The following NIPA1 variants were observed in gnomAD, a reference collection of about 807,000 sequenced individuals.
NIPA1 encodes magnesium transporter NIPA1.
Under a neutral mutation model 23.9 loss-of-function variants are expected in NIPA1, and 13 were observed. That is an observed-to-expected ratio of 0.54 (90% confidence interval 0.35 to 0.87). The LOEUF (loss-of-function observed/expected upper bound fraction) is 0.87, where lower values mean the gene tolerates loss of function less well. Ranked by LOEUF, NIPA1 falls within the 40% of genes least tolerant of loss-of-function variation. NIPA1 has a pLI of 0.01. For missense variants in NIPA1, 362 were observed against 429.7 expected (o/e 0.84, Z 1.39); for synonymous variants, 234 against 202.9 (o/e 1.15, Z -1.30).
At chr15:22,817,278 T>A (rs888272652) in intron 3 of NIPA1, among the ~76,000 whole-genome samples, 3 of 149,764 alleles carry the variant, frequency 2.0e-5, no homozygotes, top group African/African-American at 7.4e-5. Flanking sequence ...GGTGGGTGGA[T>A]CACCTGAGGT....
At chr15:22,787,260 G>A (rs1028186775) in intron 1 of NIPA1, among the ~76,000 whole-genome samples, 1 of 152,160 alleles carries the variant, frequency 6.6e-6, no homozygotes, top group Non-Finnish European at 1.5e-5. Flanking sequence ...CTCGAGCCCA[G>A]CGCCCGCCTG....
At chr15:22,817,487 G>A (rs1183686035) in intron 3 of NIPA1, among the ~76,000 whole-genome samples, 9 of 115,712 alleles carry the variant, frequency 7.8e-5, no homozygotes, top group Admixed American at 3.3e-4. Flanking sequence ...CAACAAAAGC[G>A]AAACTCCGTC....
chr15:22,816,552 T>A (rs1175089552), intron 3 of NIPA1, among the ~76,000 whole-genome samples: 2 of 127,722 alleles, frequency 1.6e-5, no homozygotes, highest in Non-Finnish European at 3.2e-5. Context: ...AGTGCAGTGG[T>A]GTGCTGTCGG....
chr15:22,821,199 T>C (rs1378802243), intron 4 of NIPA1, among the ~76,000 whole-genome samples: 5 of 151,904 alleles, frequency 3.3e-5, no homozygotes, highest in African/African-American at 1.2e-4. Flanking sequence ...TCTCCTGACC[T>C]CGTGATCCGC....
In NIPA1 at chr15:22,826,233, G is replaced by A. The variant is rs1895649642; in HGVS notation, c.*1994G>A. On this transcript the variant is annotated 3_prime_UTR_variant, in exon 5 of 5. Coordinates refer to ENST00000337435, the MANE Select transcript of NIPA1 (RefSeq NM_144599.5). The stretch of plus-strand genomic sequence containing the variant: ...GTAAACGTGTACATGATGATCATGG[G>A]TTGTCAGTGATTTGTGAACTGAGAG... The A allele has an allele frequency of 6.6e-6, 1 of 152,116 alleles. No individual in the cohort carries two copies. Among genetic ancestry groups the A allele is most frequent in the Middle Eastern group, 3.2e-3 (1 of 316 alleles). The allele number at this position is 152,116 out of a possible 1,614,324, so 9.4% of individuals were successfully genotyped here. A position where few individuals can be genotyped will look rare whatever the true frequency, so the allele number is the denominator to read the frequency against.
At chr15:22,803,228 A>T (rs920364091) in intron 1 of NIPA1, among the ~76,000 whole-genome samples, 1 of 151,880 alleles carries the variant, frequency 6.6e-6, no homozygotes, top group Admixed American at 6.6e-5. Flanking sequence ...AAGTGCTGGG[A>T]TTATAGGCAT....
At chr15:22,806,468 C>T (rs1477188377) in intron 1 of NIPA1, among the ~76,000 whole-genome samples, 1 of 152,178 alleles carries the variant, frequency 6.6e-6, no homozygotes, top group Non-Finnish European at 1.5e-5. Context: ...TCCTCTGCAG[C>T]CCACACCTAG....
At chr15:22,818,511 T>C (rs1895470444) in intron 3 of NIPA1, among the ~76,000 whole-genome samples, 1 of 151,024 alleles carries the variant, frequency 6.6e-6, no homozygotes, top group Non-Finnish European at 1.5e-5. Flanking sequence ...AAAATGGCAC[T>C]GTCAGCCAGG....
chr15:22,800,375 G>T (rs1400299069), intron 1 of NIPA1, among the ~76,000 whole-genome samples: 2 of 152,084 alleles, frequency 1.3e-5, no homozygotes, highest in African/African-American at 2.4e-5. Context: ...GTTCTCACAT[G>T]TCTGGTTAGT....
At position 22,827,725 on chromosome 15, in the gene NIPA1, A is replaced by C. The variant is rs545472139; in HGVS notation, c.*3486A>C. The C allele has an allele frequency of 6.6e-6, 1 of 152,054 alleles. No homozygotes were observed. The highest frequency in any genetic ancestry group is 2.4e-5 in the African/African-American group (1 of 41,464). 9.4% of individuals were successfully genotyped at this position (152,054 alleles called of 1,614,324 possible). On this transcript the variant is annotated 3_prime_UTR_variant, in exon 5 of 5. Coordinates refer to ENST00000337435, the MANE Select transcript of NIPA1 (RefSeq NM_144599.5). ...CACTGTTCACTTGTGCAGTCGTCTT[A>C]TTTTCCTTCTTCCTAGATGACTCAG...
chr15:22,829,444 A>G lies in NIPA1; in HGVS notation c.*5205A>G, dbSNP rs965373372. On this transcript the variant is annotated 3_prime_UTR_variant, in exon 5 of 5. Coordinates refer to ENST00000337435, the MANE Select transcript of NIPA1 (RefSeq NM_144599.5). ...CCCCACCTTAGTATTTTTGCACTTT[A>G]CAGAAATTTAGATACTGTTTTTCAG... 1 of 152,558 alleles carries G rather than the reference A, an allele frequency of 6.6e-6. No homozygotes were observed. Among genetic ancestry groups the G allele is most frequent in the Non-Finnish European group, 1.5e-5 (1 of 68,026 alleles). 9.5% of individuals were successfully genotyped at this position (152,558 alleles called of 1,614,324 possible).
chr15:22,794,079 T>C (rs1202481817), intron 1 of NIPA1, among the ~76,000 whole-genome samples: 3 of 152,070 alleles, frequency 2.0e-5, no homozygotes, highest in African/African-American at 7.2e-5. Context: ...GAATTTTTTT[T>C]TTCTATTTCC....
At chr15:22,787,120 T>C (rs1272337223) in intron 1 of NIPA1, among the ~76,000 whole-genome samples, 1 of 151,980 alleles carries the variant, frequency 6.6e-6, no homozygotes, top group African/African-American at 2.4e-5. Context: ...TGGAGCGGCT[T>C]GCTTTGGTGT....
chr15:22,814,573 A>T (rs1332680251), intron 3 of NIPA1, among the ~76,000 whole-genome samples: 2 of 143,406 alleles, frequency 1.4e-5, no homozygotes, highest in Non-Finnish European at 1.6e-5. Context: ...CTGGAATTAC[A>T]TAGAAACAGA....
In NIPA1 at chr15:22,805,683, C is replaced by T. The variant is rs1816395332; in HGVS notation, c.179-5066C>T. Among the ~76,000 whole-genome samples, 2 of 151,896 alleles carry T rather than the reference C, an allele frequency of 1.3e-5. 1 individual carries two copies. Among genetic ancestry groups the T allele is most frequent in the Admixed American group, 1.3e-4 (2 of 15,250 alleles). On this transcript the variant is annotated intron_variant, in intron 1 of 4. Transcript: ENST00000337435. ...CCTGGGCAAGAGAGTGAGACTCTGT[C>T]TCAAAAAGAAAAAGAAAAAGAAAAA... is the stretch of plus-strand genomic sequence containing the variant.
In NIPA1 at chr15:22,813,590, A is replaced by G. The variant is rs1335657975; in HGVS notation, c.317+1337A>G. ...TAGGGTAGAAGAGAAATAAAATCCA[A>G]GTTTCTAACTCATGGATACATTGGT... On this transcript the variant is annotated intron_variant, in intron 3 of 4. Transcript: ENST00000337435. 15 of 449,418 alleles carry G rather than the reference A, an allele frequency of 3.3e-5. 1 individual carries two copies. Among genetic ancestry groups the G allele is most frequent in the South Asian group, 2.4e-4 (15 of 62,666 alleles). 27.8% of individuals were successfully genotyped at this position (449,418 alleles called of 1,614,324 possible). A position where few individuals can be genotyped will look rare whatever the true frequency, so the allele number is the denominator to read the frequency against.
intron 1 of NIPA1, among the ~76,000 whole-genome samples, chr15:22,799,999 C>T (rs998131715): frequency 2.1e-5 from 3 of 143,542 alleles, no homozygotes; most frequent in African/African-American, 7.7e-5. Context: ...GTAATAGACA[C>T]TGGGGACTGC....
intron 1 of NIPA1, among the ~76,000 whole-genome samples, chr15:22,798,862 A>AAAC (rs1895002766): frequency 4.4e-5 from 6 of 135,928 alleles, no homozygotes; most frequent in African/African-American, 1.3e-4. Flanking sequence ...AAAAAAAAAA[A>AAAC]CCTCTTTATT....
rs1192699698 is a variant in NIPA1, at chr15:22,786,663, ACTGCAGCTG to A, written c.9_17del (p.Ala14_Ala16del). ...GAGGGCGGGCGCGGGCGGAATGGGGACTGCAGCTGCGGCAGCGGCGGCGGCGGCGGCGGC... is the reference window on the plus strand; with the variant it reads ...GAGGGCGGGCGCGGGCGGAATGGGGACGGCAGCGGCGGCGGCGGCGGCGGC... On this transcript the variant is annotated inframe_deletion, in exon 1 of 5. Coordinates refer to ENST00000337435, the MANE Select transcript of NIPA1 (RefSeq NM_144599.5). 9.4e-7 allele frequency: 1 copy of A among 1,058,648 alleles called. No individual in the cohort carries two copies. The highest frequency in any genetic ancestry group is 1.1e-6 in the Non-Finnish European group (1 of 876,132). The allele number at this position is 1,058,648 out of a possible 1,614,324, so 65.6% of individuals were successfully genotyped here.
Sources: gnomAD v4.1 joint callset for allele counts (sites outside exome capture counted in the v4.1 genomes callset) on GRCh38, gnomAD v4.1.1 for gene constraint, MANE v1.5 for transcripts, NCBI Gene and HGNC (gene_info 2026-07-23, HGNC 2026-07-21) for gene names.